Variants in PARD3B observed in about 807,000 individuals in gnomAD.
PARD3B encodes the protein partitioning defective 3 homolog B.
A neutral mutation model predicts 130.2 loss-of-function variants in PARD3B; 103 were observed. The ratio of observed to expected loss-of-function variants is 0.79; its 90% CI spans 0.67 to 0.93. PARD3B has a LOEUF of 0.93. PARD3B is among the 40% of genes least tolerant of loss of function. The pLI, the probability that PARD3B is intolerant of heterozygous loss-of-function variation, is 0.00. For missense variants in PARD3B, 1,609 were observed against 1,499.2 expected (o/e 1.07, Z -1.21); for synonymous variants, 583 against 553.2 (o/e 1.05, Z -0.76).
At chr2:204,712,665 T>C (rs1178185535) in intron 2 of PARD3B, among the ~76,000 whole-genome samples, 5 of 151,814 alleles carry the variant, frequency 3.3e-5, no homozygotes, top group Admixed American at 3.3e-4. Flanking sequence ...GTTTTTCCTT[T>C]TTATTAGCAA....
At chr2:205,515,504 C>T (rs1299963621) in intron 21 of PARD3B, among the ~76,000 whole-genome samples, 1 of 143,090 alleles carries the variant, frequency 7.0e-6, no homozygotes, top group Non-Finnish European at 1.5e-5. Context: ...TTGCCAGCAT[C>T]TATTACTTTT....
rs1189089886 is a variant in PARD3B at position 204,799,341 on chromosome 2, C to T, written c.222+113059C>T. On this transcript the variant is annotated intron_variant, in intron 2 of 22. Coordinates refer to ENST00000406610, the MANE Select transcript of PARD3B (RefSeq NM_001302769.2). This position sits in a 1 kb window ranked among gnomAD's most constrained non-coding sequence, Gnocchi z 4.1. Reference sequence around the variant, plus strand: ...CTTTGTCATGTGGCTTGAATGCCAGCACAGCTGCAGTAGAATAGAGCACCA... The same window carrying T: ...CTTTGTCATGTGGCTTGAATGCCAGTACAGCTGCAGTAGAATAGAGCACCA... Among the ~76,000 whole-genome samples, 3 of 152,294 alleles carry T rather than the reference C, an allele frequency of 2.0e-5. No individual in the cohort carries two copies. The East Asian group carries it at 5.8e-4, about 29-fold the overall frequency.
At chr2:204,605,434 T>TTC (rs2033677152) in intron 1 of PARD3B, among the ~76,000 whole-genome samples, 1 of 152,214 alleles carries the variant, frequency 6.6e-6, no homozygotes, top group South Asian at 2.1e-4. Context: ...AGGTATATCC[T>TTC]TCTACATACC....
chr2:204,939,036 G>T (rs1303791237), intron 2 of PARD3B, among the ~76,000 whole-genome samples: 1 of 152,108 alleles, frequency 6.6e-6, no homozygotes, highest in Non-Finnish European at 1.5e-5. Context: ...AAACATTAAT[G>T]ATATCTTTTT....
intron 1 of PARD3B, among the ~76,000 whole-genome samples, chr2:204,644,576 CTAGT>C (rs1207324418): frequency 7.2e-5 from 11 of 151,926 alleles, no homozygotes; most frequent in South Asian, 4.2e-4. Flanking sequence ...AATATTTTCC[CTAGT>C]TAGAGAGTTA....
chr2:204,914,703 G>C (rs12474849), intron 2 of PARD3B, among the ~76,000 whole-genome samples: 39,021 of 152,068 alleles, frequency 0.26, 6,125 homozygotes, highest in East Asian at 0.54. Flanking sequence ...GTGGTGAAGA[G>C]GTTAGGAGCA....
intron 4 of PARD3B, among the ~76,000 whole-genome samples, chr2:205,080,479 AATACTCTTCCTT>A (rs1347565912): frequency 2.6e-5 from 4 of 152,190 alleles, no homozygotes; most frequent in Non-Finnish European, 4.4e-5. Context: ...AAAAAATAAG[AATACTCTTCCTT>A]ATATTAACTT....
intron 3 of PARD3B, among the ~76,000 whole-genome samples, chr2:204,986,357 T>G (rs551160087): frequency 2.5e-4 from 38 of 152,336 alleles, no homozygotes; most frequent in African/African-American, 8.9e-4. Context: ...TCTATACGAC[T>G]ATGAAGTGTT....
chr2:204,786,784 G>C lies in PARD3B; in HGVS notation c.222+100502G>C, dbSNP rs552165299. ...GATGGTGTATGACATTACCACCAAT[G>C]CAATGAGAAACCGTATTCATCATGA... is the stretch of plus-strand genomic sequence containing the variant. On this transcript the variant is annotated intron_variant, in intron 2 of 22. Transcript: ENST00000406610. Among the ~76,000 whole-genome samples, 3 of 151,542 alleles carry C rather than the reference G, an allele frequency of 2.0e-5. No individual in the cohort carries two copies. In the East Asian group the frequency reaches 5.9e-4, roughly 30 times the overall value.
intron 21 of PARD3B, among the ~76,000 whole-genome samples, chr2:205,524,072 ATCTAACTTTTCTTTC>A (rs1192883154): frequency 6.6e-6 from 1 of 152,088 alleles, no homozygotes; most frequent in Non-Finnish European, 1.5e-5. Flanking sequence ...TCTGAGGCTT[ATCTAACTTTTCTTTC>A]TCTAAGTAAC....
intron 18 of PARD3B, among the ~76,000 whole-genome samples, chr2:205,398,968 T>G (rs970085235): frequency 1.3e-5 from 2 of 152,114 alleles, no homozygotes; most frequent in African/African-American, 4.8e-5. Flanking sequence ...ACATGTATAA[T>G]TTGAAAAAGT....
intron 1 of PARD3B, among the ~76,000 whole-genome samples, chr2:204,579,116 A>AATCATCATCATCATC (rs374676828): frequency 1.3e-5 from 2 of 150,692 alleles, no homozygotes; most frequent in East Asian, 2.0e-4. Flanking sequence ...TATGAAAGGA[A>AATCATCATCATCATC]ATCATCATCA....
At chr2:204,649,555 C>T (rs1437692907) in intron 1 of PARD3B, among the ~76,000 whole-genome samples, 1 of 151,678 alleles carries the variant, frequency 6.6e-6, no homozygotes, top group Non-Finnish European at 1.5e-5. Context: ...ACACCACCAC[C>T]ACCACCCAGA....
chr2:205,505,122 C>G (rs528360867), intron 21 of PARD3B, among the ~76,000 whole-genome samples: 3 of 152,104 alleles, frequency 2.0e-5, no homozygotes, highest in East Asian at 3.9e-4. Context: ...CCATCATTCT[C>G]AGCAAACTAT....
chr2:205,440,246 T>C lies in PARD3B; in HGVS notation c.2742-124T>C. The C allele has an allele frequency of 1.1e-6, 1 of 937,166 alleles. No individual in the cohort carries two copies. 58.1% of individuals were successfully genotyped at this position (937,166 alleles called of 1,614,324 possible). A position where few individuals can be genotyped will look rare whatever the true frequency, so the allele number is the denominator to read the frequency against. ...GTTGGCATTTCTGCATGCTGTGATC[T>C]TGAGTAAACAGGAGAATGACAGCTA... On this transcript the variant is annotated intron_variant, in intron 19 of 22. Coordinates refer to ENST00000406610, the MANE Select transcript of PARD3B (RefSeq NM_001302769.2). The surrounding 1 kb of genome is among the most constrained non-coding windows in gnomAD (Gnocchi z 4.2).
At chr2:204,550,298 G>C (rs534828456) in intron 1 of PARD3B, among the ~76,000 whole-genome samples, 3 of 152,338 alleles carry the variant, frequency 2.0e-5, no homozygotes, top group East Asian at 3.9e-4. Context: ...TTAGGGAATA[G>C]TGACAAGAAA....
intron 4 of PARD3B, among the ~76,000 whole-genome samples, chr2:205,075,987 T>G (rs1204640004): frequency 2.6e-5 from 4 of 152,156 alleles, no homozygotes; most frequent in African/African-American, 9.7e-5. Flanking sequence ...TATGATAAAT[T>G]ACAACTATTT....
In PARD3B at chr2:204,840,619, G is replaced by A. The variant is rs921199288; in HGVS notation, c.223-124533G>A. ...ACTTGCACGATGTTGACTACAGTAA[G>A]ATAACAAAATTGTATATTGTATGAG... On this transcript the variant is annotated intron_variant, in intron 2 of 22. Coordinates refer to ENST00000406610, the MANE Select transcript of PARD3B (RefSeq NM_001302769.2). Among the ~76,000 whole-genome samples, 10 of 151,804 alleles carry A rather than the reference G, an allele frequency of 6.6e-5. 1 individual carries two copies. Among genetic ancestry groups the A allele is most frequent in the African/African-American group, 1.7e-4 (7 of 41,292 alleles).
At chr2:205,024,162 C>CTTTTTTTTTTTT (rs1172893472) in intron 3 of PARD3B, among the ~76,000 whole-genome samples, 3 of 98,744 alleles carry the variant, frequency 3.0e-5, no homozygotes, top group Non-Finnish European at 5.9e-5. Context: ...TTCTTTCTTT[C>CTTTTTTTTTTTT]TTTTTTTTTT....
Sources: allele counts gnomAD v4.1 joint callset (sites outside exome capture counted in the v4.1 genomes callset), GRCh38; gene constraint gnomAD v4.1.1; non-coding constraint Gnocchi (gnomAD v3.1); transcripts MANE v1.5; gene names NCBI Gene and HGNC (gene_info 2026-07-23, HGNC 2026-07-21).